Variants in INSRR observed in about 807,000 individuals in gnomAD.
The protein encoded by INSRR is insulin receptor-related protein.
INSRR carries 114 observed loss-of-function variants against 130.0 expected under a neutral mutation model. The ratio of observed to expected loss-of-function variants is 0.88; its 90% CI spans 0.75 to 1.02. INSRR has a LOEUF of 1.02. Among genes scored for constraint, INSRR ranks in the 50% least tolerant of loss-of-function variants. The pLI is 0.00. For synonymous variants in INSRR, 674 were observed against 705.2 expected (o/e 0.96, Z 0.70); for missense variants, 1,657 against 1,735.2 (o/e 0.95, Z 0.80).
chr1:156,856,134 A>G (rs1211079400), intron 1 of INSRR, among the ~76,000 whole-genome samples: 3 of 152,130 alleles, frequency 2.0e-5, no homozygotes, highest in Non-Finnish European at 4.4e-5. Context: ...ACACTGGCTA[A>G]AATATAATTT....
rs1009858360 is a variant in INSRR at position 156,854,313 on chromosome 1, T to C, written c.86-10A>G. The stretch of plus-strand genomic sequence containing the variant: ...TCCAGGCTGGGGCACACTGTGGGCA[T>C]ACACGGCACGCAGCATTGAGTACAG... On this transcript the variant is annotated splice_polypyrimidine_tract_variant and intron_variant, in intron 1 of 21. Coordinates refer to ENST00000368195, the MANE Select transcript of INSRR (RefSeq NM_014215.3). The surrounding 1 kb of genome is among the most constrained non-coding windows in gnomAD (Gnocchi z 4.2). 1 of 1,600,680 alleles carries C rather than the reference T, an allele frequency of 6.2e-7. No homozygotes were observed. Among genetic ancestry groups the C allele is most frequent in the Non-Finnish European group, 8.5e-7 (1 of 1,174,128 alleles).
Position 156,849,301 on chromosome 1 carries a change from T to C in INSRR, c.1389A>G (p.Arg463=). The change falls in exon 6 of 22, where the codon CGA becomes CGG. Residue 463 remains arginine, a synonymous_variant. Transcript: ENST00000368195. ...IYRLEEVTGT[R]GRQNKAEINP... ...TGATCTCAGCCTTGTTCTGCCGACC[T>C]CGCGTGCCTGTCACCTCCTCCAGTC... 6.2e-7 allele frequency: 1 copy of C among 1,613,938 alleles called. No individual in the cohort carries two copies. The highest frequency in any genetic ancestry group is 1.3e-5 in the African/African-American group (1 of 74,902).
chr1:156,843,210 C>A lies in INSRR; in HGVS notation c.2920G>T (p.Val974Leu), dbSNP rs1457513458. Residue 974 changes from valine to leucine, a missense_variant, in exon 17 of 22, where the codon GTG becomes TTG. By Grantham distance (32) the Val-to-Leu change is conservative (BLOSUM62 1). Transcript: ENST00000368195. ...SDMYVPDEWE[V>L]PREQISIIRE... ...ATTATCGAGATCTGCTCCCGAGGCA[C>A]CTCCCATTCATCAGGGACATACACT... is the stretch of plus-strand genomic sequence containing the variant. 1 of 1,614,112 alleles carries A rather than the reference C, an allele frequency of 6.2e-7. No homozygotes were observed. Among genetic ancestry groups the A allele is most frequent in the Non-Finnish European group, 8.5e-7 (1 of 1,180,036 alleles).
In INSRR at chr1:156,848,925, C is replaced by G; in HGVS notation, c.1567G>C (p.Glu523Gln). 6.4e-7 allele frequency: 1 copy of G among 1,573,626 alleles called. No individual in the cohort carries two copies. The highest frequency in any genetic ancestry group is 8.6e-7 in the Non-Finnish European group (1 of 1,159,774). ...DLLSFIVYYKESPFQNATEHV... is the reference protein window; with the variant it reads ...DLLSFIVYYKQSPFQNATEHV... ...GGCCCCGCCCCCGGCACTCACGACT[C>G]CTTGTAGTACACGATGAAGCTGAGC... Residue 523 changes from glutamate (E) to glutamine (Q), a missense_variant, in exon 7 of 22, where the codon GAG becomes CAG. Coordinates refer to ENST00000368195, the MANE Select transcript of INSRR (RefSeq NM_014215.3).
At chr1:156,844,340 A>G in intron 14 of INSRR, 60 bp from the exon 15 acceptor site, 1 of 1,554,514 alleles carries the variant, frequency 6.4e-7, no homozygotes, top group East Asian at 2.3e-5. Flanking sequence ...AGGGAAGGTC[A>G]TGCTTCTCTT....
intron 1 of INSRR, among the ~76,000 whole-genome samples, chr1:156,856,060 C>T (rs1429014721): frequency 6.6e-6 from 1 of 151,756 alleles, no homozygotes; most frequent in Non-Finnish European, 1.5e-5. Flanking sequence ...CCCTCTGCCT[C>T]GGCCTCCCAA....
intron 21 of INSRR, 140 bp from the exon 22 acceptor site, chr1:156,841,244 T>C (rs1654768193): frequency 1.1e-6 from 1 of 926,610 alleles, no homozygotes; most frequent in Admixed American, 2.1e-5. Flanking sequence ...TAAATGGGAG[T>C]CTTGGGGGTT....
At chr1:156,850,716 A>C (rs976278161) in intron 5 of INSRR, among the ~76,000 whole-genome samples, 5 of 148,266 alleles carry the variant, frequency 3.4e-5, no homozygotes, top group Non-Finnish European at 7.4e-5. Flanking sequence ...CACCATGCCC[A>C]TCTACTTTTT....
At chr1:156,852,620 C>T (rs1454421927) in intron 2 of INSRR, among the ~76,000 whole-genome samples, 1 of 152,180 alleles carries the variant, frequency 6.6e-6, no homozygotes, top group Non-Finnish European at 1.5e-5. Flanking sequence ...GTCGTTTTAC[C>T]CATGCTCCTG....
chr1:156,845,690 C>A lies in INSRR; in HGVS notation c.2103G>T (p.Pro701=), dbSNP rs1392282369. 6.2e-7 allele frequency: 1 copy of A among 1,611,926 alleles called. No homozygotes were observed. The part of the protein sequence containing the change: ...QHPPPGQVLP[P]LEAQEASFQK... ...GGAACGAGGCCTCTTGCGCCTCCAG[C>A]GGGGGCAGAACCTGACCAGGAGGTG... The change falls in exon 10 of 22, where the codon CCG becomes CCT. Residue 701 remains proline, a synonymous_variant. Transcript: ENST00000368195.
In INSRR at chr1:156,842,399, T is replaced by A. The variant is rs1451226204; in HGVS notation, c.3236A>T (p.Glu1079Val). Residue 1079 changes from glutamate (E) to valine (V), a missense_variant and splice_region_variant, in exon 18 of 22, where the codon GAG (glutamate) becomes GTG (valine). Coordinates refer to ENST00000368195, the MANE Select transcript of INSRR (RefSeq NM_014215.3). Reference protein sequence around the residue: ...SHLRSLRPEAENNPGLPQPAL... With the variant: ...SHLRSLRPEAVNNPGLPQPAL... ...CCCCAGGGTCTTCCTGGTCCCTACC[T>A]CTGCCTCAGGCCGCAAAGATCGAAG... The A allele has an allele frequency of 2.5e-6, 4 of 1,613,862 alleles. No individual in the cohort carries two copies. Among genetic ancestry groups the A allele is most frequent in the Admixed American group, 1.7e-5 (1 of 60,018 alleles).
chr1:156,843,060 A>C lies in INSRR; in HGVS notation c.3070T>G (p.Cys1024Gly). 6.2e-7 allele frequency: 1 copy of C among 1,614,170 alleles called. No homozygotes were observed. ...GAAGCTTCCTTGAGGAACTCAATGC[A>C]TTCCCGTGGGCTGGCCAGCTCATTC... is the stretch of plus-strand genomic sequence containing the variant. ...TVNELASPRE[C>G]IEFLKEASVM... Residue 1024 changes from cysteine (C) to glycine (G), a missense_variant, in exon 17 of 22, where the codon TGC (cysteine) becomes GGC (glycine). Coordinates refer to ENST00000368195, the MANE Select transcript of INSRR (RefSeq NM_014215.3).
chr1:156,851,684 T>G lies in INSRR; in HGVS notation c.1046A>C (p.His349Pro). 4 of 1,614,196 alleles carry G rather than the reference T, an allele frequency of 2.5e-6. No homozygotes were observed. The highest frequency in any genetic ancestry group is 3.4e-6 in the Non-Finnish European group (4 of 1,180,014). The change falls in exon 4 of 22, where the codon CAT becomes CCT. Residue 349 changes from histidine (H) to proline (P), a missense_variant. Coordinates refer to ENST00000368195, the MANE Select transcript of INSRR (RefSeq NM_014215.3). ...GTTGAGGATGAGGCTTCCCTCCACA[T>G]GCGTGCAGCCCACAAGATCCTGTGC... ...QAAQDLVGCT[H>P]VEGSLILNLR... is the part of the protein sequence containing the mutation.
intron 7 of INSRR, 73 bp from the exon 8 acceptor site, chr1:156,846,830 AC>A: frequency 8.3e-7 from 1 of 1,202,704 alleles, no homozygotes; most frequent in Non-Finnish European, 1.2e-6. Flanking sequence ...GCTCTGAATC[AC>A]CCCAGGACTG....
At chr1:156,850,852 TG>T (rs1279942087) in intron 5 of INSRR, among the ~76,000 whole-genome samples, 2 of 152,166 alleles carry the variant, frequency 1.3e-5, no homozygotes, top group African/African-American at 4.8e-5. Context: ...CCACCGTGCC[TG>T]GCTCATTCTT....
At chr1:156,848,704 C>G (rs1655093738) in intron 7 of INSRR, among the ~76,000 whole-genome samples, 1 of 152,214 alleles carries the variant, frequency 6.6e-6, no homozygotes, top group South Asian at 2.1e-4. Flanking sequence ...GCCCTGTCTT[C>G]TCCATTTCAC....
Position 156,840,670 on chromosome 1 carries a change from C to G in INSRR, c.*203G>C, listed in dbSNP as rs891299502. ...GGCTTTGACCCTGCTTGCTCTCCCC[C>G]GAGGGACTCAGAGTCTGAGAAACTC... On this transcript the variant is annotated 3_prime_UTR_variant, in exon 22 of 22. Transcript: ENST00000368195. 1.7e-6 allele frequency: 1 copy of G among 602,316 alleles called. No homozygotes were observed. The highest frequency in any genetic ancestry group is 3.0e-6 in the Non-Finnish European group (1 of 337,998). 37.3% of individuals were successfully genotyped at this position (602,316 alleles called of 1,614,324 possible).
intron 1 of INSRR, among the ~76,000 whole-genome samples, chr1:156,858,274 T>C (rs994585756): frequency 6.6e-6 from 1 of 152,212 alleles, no homozygotes; most frequent in African/African-American, 2.4e-5. Flanking sequence ...TTCACTGGGA[T>C]CACAGTTTCA....
At chr1:156,857,152 A>G (rs1655432586) in intron 1 of INSRR, among the ~76,000 whole-genome samples, 1 of 145,732 alleles carries the variant, frequency 6.9e-6, no homozygotes. Context: ...GGCTCTGCCC[A>G]GCAGCTGTGT....
Sources: allele counts gnomAD v4.1 joint callset (sites outside exome capture counted in the v4.1 genomes callset), GRCh38; gene constraint gnomAD v4.1.1; non-coding constraint Gnocchi (gnomAD v3.1); transcripts MANE v1.5; gene names NCBI Gene and HGNC (gene_info 2026-07-23, HGNC 2026-07-21).